Variants in OSBPL8 observed in about 807,000 individuals in gnomAD.
The protein encoded by OSBPL8 is oxysterol-binding protein-related protein 8.
In OSBPL8, 59 loss-of-function variants were observed where a neutral mutation model predicts 125.5. That is an observed-to-expected ratio of 0.47 (90% CI 0.38 to 0.58). The LOEUF (loss-of-function observed/expected upper bound fraction) is 0.58. Among genes scored for constraint, OSBPL8 ranks in the 20% least tolerant of loss-of-function variants. The pLI is 0.00. For synonymous variants in OSBPL8, 330 were observed against 338.9 expected (o/e 0.97, Z 0.29); for missense variants, 758 against 1,047.8 (o/e 0.72, Z 3.82).
At chr12:76,357,539 T>C (rs1360012884) in intron 22 of OSBPL8, among the ~76,000 whole-genome samples, 1 of 152,158 alleles carries the variant, frequency 6.6e-6, no homozygotes, top group East Asian at 1.9e-4. Context: ...ACCAATACTC[T>C]CTTCTAACAC....
At chr12:76,357,256 A>G (rs1234048809) in intron 22 of OSBPL8, among the ~76,000 whole-genome samples, 2 of 152,142 alleles carry the variant, frequency 1.3e-5, no homozygotes, top group Non-Finnish European at 2.9e-5. Context: ...TGCAAGTGTC[A>G]GCTTTCTCAT....
intron 2 of OSBPL8, among the ~76,000 whole-genome samples, chr12:76,469,666 C>G (rs1358778257): frequency 1.3e-5 from 2 of 152,202 alleles, no homozygotes; most frequent in Non-Finnish European, 2.9e-5. Flanking sequence ...ATTCCCAAAA[C>G]AGCAATCATC....
chr12:76,448,969 C>T (rs773803768), intron 4 of OSBPL8, among the ~76,000 whole-genome samples: 4 of 152,050 alleles, frequency 2.6e-5, no homozygotes, highest in East Asian at 1.9e-4. Flanking sequence ...GCTGAGATCG[C>T]GCCACTGCAC....
At chr12:76,502,955 G>A (rs185810168) in intron 1 of OSBPL8, among the ~76,000 whole-genome samples, 1 of 152,138 alleles carries the variant, frequency 6.6e-6, no homozygotes, top group Admixed American at 6.6e-5. Flanking sequence ...AAGATATAAT[G>A]ACTTTATTTC....
intron 21 of OSBPL8, among the ~76,000 whole-genome samples, chr12:76,364,897 C>CA (rs1952357477): frequency 1.3e-5 from 2 of 151,678 alleles, no homozygotes; most frequent in South Asian, 4.1e-4. Context: ...CCCATTTTTG[C>CA]AAAAAAATAG....
intron 1 of OSBPL8, among the ~76,000 whole-genome samples, chr12:76,527,362 A>C (rs1005354702): frequency 1.3e-5 from 2 of 152,216 alleles, no homozygotes; most frequent in African/African-American, 4.8e-5. Flanking sequence ...CTTTGATCCT[A>C]CCTAATCAGG....
At chr12:76,422,570 C>T (rs982760818) in intron 4 of OSBPL8, 3 of 456,430 alleles carry the variant, frequency 6.6e-6, no homozygotes, top group East Asian at 6.9e-5. Flanking sequence ...AACAAGCTTT[C>T]GGCCATCAAT....
chr12:76,538,840 C>T (rs748981580), intron 1 of OSBPL8, among the ~76,000 whole-genome samples: 8 of 151,210 alleles, frequency 5.3e-5, no homozygotes, highest in Non-Finnish European at 7.4e-5. Flanking sequence ...CCCAGCTACT[C>T]GGGAGGCTGA....
intron 5 of OSBPL8, among the ~76,000 whole-genome samples, chr12:76,404,254 T>C (rs1054826018): frequency 5.3e-5 from 8 of 152,318 alleles, no homozygotes; most frequent in African/African-American, 1.4e-4. Flanking sequence ...GGCATGGCTA[T>C]TGTCAGAAGA....
intron 1 of OSBPL8, among the ~76,000 whole-genome samples, chr12:76,525,249 A>AT (rs1950140877): frequency 6.6e-6 from 1 of 152,194 alleles, no homozygotes; most frequent in Non-Finnish European, 1.5e-5. Flanking sequence ...TTTTCCTGAT[A>AT]TTTTACAGGA....
At chr12:76,443,721 G>C (rs1462518342) in intron 4 of OSBPL8, among the ~76,000 whole-genome samples, 1 of 152,030 alleles carries the variant, frequency 6.6e-6, no homozygotes, top group Non-Finnish European at 1.5e-5. Context: ...TGGCCAGGCT[G>C]GTCTCAAATT....
At chr12:76,529,757 G>C (rs770143521) in intron 1 of OSBPL8, among the ~76,000 whole-genome samples, 9 of 152,156 alleles carry the variant, frequency 5.9e-5, no homozygotes, top group African/African-American at 1.7e-4. Context: ...AGAGACAGTA[G>C]AGTCTGGATT....
At chr12:76,407,396 A>G (rs1327743598) in intron 5 of OSBPL8, among the ~76,000 whole-genome samples, 1 of 152,152 alleles carries the variant, frequency 6.6e-6, no homozygotes, top group Non-Finnish European at 1.5e-5. Flanking sequence ...GATCACAGGC[A>G]TGTGCCACCA....
At chr12:76,549,055 A>G (rs1268308025) in intron 1 of OSBPL8, among the ~76,000 whole-genome samples, 2 of 152,148 alleles carry the variant, frequency 1.3e-5, no homozygotes, top group African/African-American at 4.8e-5. Flanking sequence ...AGAGAACAAC[A>G]AAACTTACAG....
intron 21 of OSBPL8, among the ~76,000 whole-genome samples, chr12:76,360,737 C>T (rs897273543): frequency 4.6e-5 from 7 of 152,240 alleles, no homozygotes; most frequent in African/African-American, 1.7e-4. Context: ...CTGTGCACCA[C>T]AGGCTCAACA....
At chr12:76,385,273 A>C (rs1387536078) in intron 14 of OSBPL8, among the ~76,000 whole-genome samples, 3 of 152,174 alleles carry the variant, frequency 2.0e-5, no homozygotes, top group Non-Finnish European at 4.4e-5. Flanking sequence ...CCTTACACTC[A>C]AAGTGAGAAT....
chr12:76,410,191 T>TA (rs548620535), intron 5 of OSBPL8, among the ~76,000 whole-genome samples: 11 of 152,318 alleles, frequency 7.2e-5, no homozygotes, highest in Middle Eastern at 6.8e-3. Context: ...TTTTAACTGG[T>TA]AAAATATATG....
chr12:76,384,558 T>C (rs1211648397), intron 14 of OSBPL8, among the ~76,000 whole-genome samples: 1 of 152,206 alleles, frequency 6.6e-6, no homozygotes, highest in Admixed American at 6.5e-5. Context: ...CTCCTGGTAG[T>C]CACATAGGCC....
chr12:76,358,925 A>G, intron 21 of OSBPL8, 114 bp from the exon 22 acceptor site: 1 of 732,652 alleles, frequency 1.4e-6, no homozygotes. Flanking sequence ...AAATAAAGAC[A>G]ATGATGAAAT....
Sources: allele counts gnomAD v4.1 joint callset (sites outside exome capture counted in the v4.1 genomes callset), GRCh38; gene constraint gnomAD v4.1.1; transcripts MANE v1.5; gene names NCBI Gene and HGNC (gene_info 2026-07-23, HGNC 2026-07-21).